GPC5: variants seen among roughly 807,000 people sequenced by gnomAD.
GPC5 encodes glypican 5.
GPC5 carries 47 observed loss-of-function variants against 53.9 expected under a neutral mutation model. The observed-to-expected ratio is 0.87, with a 90% CI of 0.69 to 1.11. The LOEUF (loss-of-function observed/expected upper bound fraction) is 1.11, where lower values mean the gene tolerates loss of function less well. Ranked by LOEUF, GPC5 falls within the 50% of genes most tolerant of loss-of-function variation. GPC5 has a pLI of 0.00. For synonymous variants in GPC5, 286 were observed against 263.3 expected (o/e 1.09, Z -0.84); for missense variants, 748 against 713.1 (o/e 1.05, Z -0.56).
At chr13:92,336,730 A>G (rs1431389618) in intron 7 of GPC5, among the ~76,000 whole-genome samples, 3 of 152,220 alleles carry the variant, frequency 2.0e-5, no homozygotes, top group Non-Finnish European at 4.4e-5. Context: ...GTAACCCTTC[A>G]TTCAAAGACT....
intron 7 of GPC5, among the ~76,000 whole-genome samples, chr13:92,818,232 A>C (rs1356927803): frequency 1.3e-5 from 2 of 151,532 alleles, no homozygotes; most frequent in Non-Finnish European, 2.9e-5. Context: ...CTGGTCTCGA[A>C]CTCCTGACCT....
intron 7 of GPC5, among the ~76,000 whole-genome samples, chr13:92,179,185 T>C (rs1364672087): frequency 6.6e-6 from 1 of 152,090 alleles, no homozygotes; most frequent in Admixed American, 6.6e-5. Context: ...CCAAGAATCC[T>C]AAATTAGCTC....
intron 7 of GPC5, among the ~76,000 whole-genome samples, chr13:92,418,067 G>T (rs1876392943): frequency 6.6e-6 from 1 of 152,158 alleles, no homozygotes; most frequent in African/African-American, 2.4e-5. Context: ...TCAAATATAT[G>T]ATTCTATTTA....
intron 6 of GPC5, among the ~76,000 whole-genome samples, chr13:92,132,364 A>G (rs1391750643): frequency 6.6e-6 from 1 of 152,150 alleles, no homozygotes; most frequent in African/African-American, 2.4e-5. Context: ...CCAGGGTACC[A>G]CAAACTGGGT....
At chr13:91,942,745 A>C (rs2039939532) in intron 6 of GPC5, among the ~76,000 whole-genome samples, 1 of 152,134 alleles carries the variant, frequency 6.6e-6, no homozygotes. Context: ...TGTTAGATAT[A>C]TAATTTAAAA....
At chr13:91,871,916 G>A (rs182756219) in intron 5 of GPC5, among the ~76,000 whole-genome samples, 18 of 152,022 alleles carry the variant, frequency 1.2e-4, no homozygotes, top group Non-Finnish European at 2.1e-4. Context: ...AAGAAGAAAC[G>A]CAAAATTCTA....
chr13:92,754,310 A>G (rs1874741598), intron 7 of GPC5, among the ~76,000 whole-genome samples: 1 of 152,220 alleles, frequency 6.6e-6, no homozygotes, highest in African/African-American at 2.4e-5. Context: ...GGCCTGCCCT[A>G]AAAGAGCTCC....
At chr13:91,812,119 G>T (rs1474414243) in intron 5 of GPC5, among the ~76,000 whole-genome samples, 1 of 152,118 alleles carries the variant, frequency 6.6e-6, no homozygotes, top group Non-Finnish European at 1.5e-5. Context: ...GAAGTGGAAA[G>T]GTCTGAACTT....
At chr13:91,684,797 A>G (rs1436978533) in intron 2 of GPC5, among the ~76,000 whole-genome samples, 1 of 152,182 alleles carries the variant, frequency 6.6e-6, no homozygotes, top group South Asian at 2.1e-4. Flanking sequence ...CGCATTCCAC[A>G]TAGAAAATCT....
At chr13:92,390,832 A>C (rs937817518) in intron 7 of GPC5, among the ~76,000 whole-genome samples, 1 of 152,192 alleles carries the variant, frequency 6.6e-6, no homozygotes, top group Non-Finnish European at 1.5e-5. Flanking sequence ...GTAGCATATC[A>C]GTATATATTT....
At chr13:92,480,727 G>C (rs1265041084) in intron 7 of GPC5, among the ~76,000 whole-genome samples, 1 of 146,316 alleles carries the variant, frequency 6.8e-6, no homozygotes, top group Admixed American at 7.1e-5. Flanking sequence ...TCCCAGACCT[G>C]TGAATTTGTT....
chr13:91,889,706 A>G (rs1014522997), intron 5 of GPC5, among the ~76,000 whole-genome samples: 1 of 152,236 alleles, frequency 6.6e-6, no homozygotes, highest in Non-Finnish European at 1.5e-5. Context: ...ATTCACGCAC[A>G]TAACAAATAT....
chr13:92,010,809 A>G (rs2040654688), intron 6 of GPC5, among the ~76,000 whole-genome samples: 1 of 152,180 alleles, frequency 6.6e-6, no homozygotes, highest in Non-Finnish European at 1.5e-5. Context: ...ACCAACCATG[A>G]TGGCACCTTA....
At chr13:92,039,078 C>A (rs2040921247) in intron 6 of GPC5, among the ~76,000 whole-genome samples, 1 of 152,094 alleles carries the variant, frequency 6.6e-6, no homozygotes, top group Non-Finnish European at 1.5e-5. Flanking sequence ...TTGATCAGAG[C>A]AATTTAGGAA....
At chr13:92,578,180 G>C (rs1883248944) in intron 7 of GPC5, among the ~76,000 whole-genome samples, 1 of 152,122 alleles carries the variant, frequency 6.6e-6, no homozygotes, top group Non-Finnish European at 1.5e-5. Flanking sequence ...TGGGCTTATG[G>C]AAGTCAAGGT....
chr13:91,760,133 A>G (rs1451443321), intron 5 of GPC5, among the ~76,000 whole-genome samples: 1 of 152,084 alleles, frequency 6.6e-6, no homozygotes, highest in African/African-American at 2.4e-5. Flanking sequence ...AAAAAGTAAA[A>G]ATTAACGTTG....
chr13:91,989,527 T>C (rs1425643369), intron 6 of GPC5, among the ~76,000 whole-genome samples: 2 of 152,226 alleles, frequency 1.3e-5, no homozygotes, highest in Non-Finnish European at 2.9e-5. Flanking sequence ...TTTTAATGAA[T>C]GTATGGTTAT....
At chr13:92,028,928 C>T (rs574449973) in intron 6 of GPC5, among the ~76,000 whole-genome samples, 34 of 152,158 alleles carry the variant, frequency 2.2e-4, no homozygotes, top group Non-Finnish European at 3.2e-4. Flanking sequence ...GCAAGAAATT[C>T]ATATACAGTA....
chr13:92,148,267 A>T (rs1333922974), intron 7 of GPC5, among the ~76,000 whole-genome samples: 1 of 152,034 alleles, frequency 6.6e-6, no homozygotes, highest in African/African-American at 2.4e-5. Flanking sequence ...TTTGCTAATT[A>T]TTACTTGAAC....
Sources: allele counts gnomAD v4.1 joint callset (sites outside exome capture counted in the v4.1 genomes callset), GRCh38; gene constraint gnomAD v4.1.1; transcripts MANE v1.5; gene names NCBI Gene and HGNC (gene_info 2026-07-23, HGNC 2026-07-21).